SPMIP3: variants seen among roughly 807,000 people sequenced by gnomAD.
SPMIP3 encodes sperm microtubule inner protein 3, also known as protein SPMIP3.
chr1:244,370,667 C>G, the SPMIP3 span, among the ~76,000 whole-genome samples: 1 of 152,188 alleles, frequency 6.6e-6, no homozygotes, highest in African/African-American at 2.4e-5. Context: ...TGTACAATGT[C>G]TATTTGCTGT....
chr1:244,381,421 G>T, the SPMIP3 span, among the ~76,000 whole-genome samples: 2 of 152,148 alleles, frequency 1.3e-5, no homozygotes, highest in Non-Finnish European at 2.9e-5. Context: ...CACAAAAGGT[G>T]TTCTCCCTTG....
chr1:244,374,587 CTTTTTT>C, the SPMIP3 span, among the ~76,000 whole-genome samples: 2 of 74,632 alleles, frequency 2.7e-5, no homozygotes, highest in South Asian at 5.7e-4. Context: ...CCACATTTCT[CTTTTTT>C]TTTTTTTTTT....
chr1:244,371,447 C>A, the SPMIP3 span, among the ~76,000 whole-genome samples: 1 of 152,214 alleles, frequency 6.6e-6, no homozygotes, highest in African/African-American at 2.4e-5. Flanking sequence ...CTCCACCCAG[C>A]CATCCCTCTC....
At chr1:244,358,957 A>G in the SPMIP3 span, among the ~76,000 whole-genome samples, 1 of 152,182 alleles carries the variant, frequency 6.6e-6, no homozygotes, top group African/African-American at 2.4e-5. Flanking sequence ...TGAGAACAAC[A>G]GTTGTACAGC....
chr1:244,382,410 C>A, the SPMIP3 span, among the ~76,000 whole-genome samples: 1 of 151,888 alleles, frequency 6.6e-6, no homozygotes, highest in African/African-American at 2.4e-5. Flanking sequence ...AGTGCAAAAG[C>A]CTGGAAACTG....
the SPMIP3 span, among the ~76,000 whole-genome samples, chr1:244,375,704 G>T: frequency 6.6e-6 from 1 of 151,502 alleles, no homozygotes; most frequent in East Asian, 1.9e-4. Flanking sequence ...TTGCTCTGTT[G>T]CCCAGGCTGG....
the SPMIP3 span, among the ~76,000 whole-genome samples, chr1:244,382,600 G>GTTT: frequency 2.6e-3 from 273 of 105,984 alleles, 1 homozygote; most frequent in Non-Finnish European, 3.5e-3. Context: ...TCTGGCTGCT[G>GTTT]TTTTTTTTTT....
chr1:244,361,886 C>A, the SPMIP3 span, among the ~76,000 whole-genome samples: 1 of 152,148 alleles, frequency 6.6e-6, no homozygotes, highest in Admixed American at 6.5e-5. Context: ...TTCTGTCCAG[C>A]CTGTCACTTC....
the SPMIP3 span, among the ~76,000 whole-genome samples, chr1:244,380,983 G>T: frequency 6.6e-6 from 1 of 151,974 alleles, no homozygotes; most frequent in Non-Finnish European, 1.5e-5. Context: ...GCCTGATCAC[G>T]GCGGGAGCTG....
chr1:244,363,042 G>C, the SPMIP3 span, among the ~76,000 whole-genome samples: 1 of 150,624 alleles, frequency 6.6e-6, no homozygotes, highest in African/African-American at 2.4e-5. Context: ...CATAGAGTTG[G>C]GGTCTCACCA....
At chr1:244,369,591 C>T in the SPMIP3 span, among the ~76,000 whole-genome samples, 11 of 152,136 alleles carry the variant, frequency 7.2e-5, no homozygotes, top group East Asian at 1.9e-4. Context: ...GAGAGGGAGT[C>T]GCAGTGGGTC....
At chr1:244,359,108 T>C in the SPMIP3 span, among the ~76,000 whole-genome samples, 1 of 147,578 alleles carries the variant, frequency 6.8e-6, no homozygotes, top group African/African-American at 2.5e-5. Flanking sequence ...AAACTACACT[T>C]CCTTATGTGT....
chr1:244,358,869 C>A, the SPMIP3 span, among the ~76,000 whole-genome samples: 100 of 152,160 alleles, frequency 6.6e-4, no homozygotes, highest in African/African-American at 2.3e-3. Flanking sequence ...TGGGGCATGT[C>A]TAAGCGAGAA....
the SPMIP3 span, among the ~76,000 whole-genome samples, chr1:244,363,828 C>T: frequency 1.3e-5 from 2 of 152,202 alleles, no homozygotes; most frequent in Admixed American, 6.5e-5. Flanking sequence ...ACCTTGCTTG[C>T]CAGTAGAGAA....
chr1:244,360,039 G>T, the SPMIP3 span, among the ~76,000 whole-genome samples: 1 of 152,074 alleles, frequency 6.6e-6, no homozygotes, highest in African/African-American at 2.4e-5. Flanking sequence ...AACCCGGGAG[G>T]CGGAGGTTGC....
At chr1:244,355,339 A>T in the SPMIP3 span, among the ~76,000 whole-genome samples, 5 of 152,118 alleles carry the variant, frequency 3.3e-5, no homozygotes, top group Non-Finnish European at 2.9e-5. Flanking sequence ...AAATCGCTTC[A>T]GCTATTTTAG....
the SPMIP3 span, among the ~76,000 whole-genome samples, chr1:244,363,018 G>A: frequency 7.0e-5 from 10 of 141,960 alleles, no homozygotes; most frequent in South Asian, 6.7e-4. Context: ...TTTTTTTTTT[G>A]TTGTTGTATT....
chr1:244,389,557 A>C, the SPMIP3 span: 1 of 152,332 alleles, frequency 6.6e-6, no homozygotes, highest in Admixed American at 6.5e-5. Context: ...AGGAGTTAGC[A>C]CCCCTATCTT....
the SPMIP3 span, among the ~76,000 whole-genome samples, chr1:244,360,551 CACACACATGCAT>C: frequency 0.023 from 1,165 of 50,578 alleles, 26 homozygotes; most frequent in Middle Eastern, 0.044. Flanking sequence ...CACACACACA[CACACACATGCAT>C]GCATGGAATA....
Sources: gnomAD v4.1 joint callset for allele counts (sites outside exome capture counted in the v4.1 genomes callset) on GRCh38, gnomAD v4.1.1 for gene constraint, MANE v1.5 for transcripts, NCBI Gene and HGNC (gene_info 2026-07-23, HGNC 2026-07-21) for gene names.